Variants in THRB observed in about 807,000 individuals in gnomAD.
THRB encodes the protein thyroid hormone receptor beta.
In THRB, 12 loss-of-function variants were observed where a neutral mutation model predicts 47.8. That is an observed-to-expected ratio of 0.25 (90% CI 0.16 to 0.41). The LOEUF is 0.41. THRB is among the 10% of genes least tolerant of loss of function. The probability of loss-of-function intolerance (pLI) is 1.00; values close to 1 mark genes in which losing one functional copy is unlikely to be tolerated. For missense variants in THRB, 348 were observed against 589.2 expected (o/e 0.59, Z 4.24); for synonymous variants, 218 against 212.2 (o/e 1.03, Z -0.24).
rs1298848423 is a variant in THRB, at chr3:24,149,017, G to A, written c.385-2195C>T. Among the ~76,000 whole-genome samples the A allele has an allele frequency of 2.6e-5, 4 of 152,166 alleles. No homozygotes were observed. In the East Asian group the frequency reaches 7.7e-4, roughly 29 times the overall value. On this transcript the variant is annotated intron_variant, in intron 6 of 10. Transcript: ENST00000646209. ...ATTCACACGCAGGGCAGTTGTTGGA[G>A]ATGTTGGCAATGATTTCCTGGGTGT...
At chr3:24,233,799 C>T (rs907014840) in intron 3 of THRB, among the ~76,000 whole-genome samples, 8 of 152,148 alleles carry the variant, frequency 5.3e-5, no homozygotes, top group African/African-American at 7.2e-5. Flanking sequence ...AAAGCTGTCA[C>T]GTGGAACAGA....
At chr3:24,283,737 C>G (rs2054902527) in intron 3 of THRB, among the ~76,000 whole-genome samples, 1 of 151,642 alleles carries the variant, frequency 6.6e-6, no homozygotes, top group Non-Finnish European at 1.5e-5. Context: ...TCAGCAAAGT[C>G]TCAGGATACA....
chr3:24,226,185 T>C (rs2047634123), intron 4 of THRB, among the ~76,000 whole-genome samples: 1 of 152,234 alleles, frequency 6.6e-6, no homozygotes, highest in Non-Finnish European at 1.5e-5. Context: ...ATTGATTTCC[T>C]GTGTTGAATA....
chr3:24,258,072 C>T (rs2051496258), intron 3 of THRB, among the ~76,000 whole-genome samples: 1 of 152,130 alleles, frequency 6.6e-6, no homozygotes. Flanking sequence ...TTATTCACCG[C>T]AGGGCTGGAG....
chr3:24,352,998 G>A (rs1046970046), intron 1 of THRB, among the ~76,000 whole-genome samples: 2 of 151,910 alleles, frequency 1.3e-5, no homozygotes, highest in Non-Finnish European at 2.9e-5. Context: ...CAAATATCTG[G>A]ATAAAATTTT....
At chr3:24,174,869 C>A (rs573155127) in intron 5 of THRB, among the ~76,000 whole-genome samples, 1 of 152,098 alleles carries the variant, frequency 6.6e-6, no homozygotes, top group Non-Finnish European at 1.5e-5. Context: ...CATAACTTGC[C>A]CACAGTCATA....
At chr3:24,126,821 A>C (rs766419116) in intron 10 of THRB, among the ~76,000 whole-genome samples, 13 of 152,248 alleles carry the variant, frequency 8.5e-5, no homozygotes, top group Admixed American at 3.3e-4. Context: ...GTTTGGGCCA[A>C]TCCAGTGTGG....
intron 4 of THRB, among the ~76,000 whole-genome samples, chr3:24,195,763 C>A (rs896390703): frequency 2.0e-5 from 3 of 152,204 alleles, no homozygotes; most frequent in African/African-American, 7.2e-5. Flanking sequence ...GAAGCCCATT[C>A]CCACAGCAGC....
In THRB at chr3:24,272,131, C is replaced by T. The variant is rs116235171; in HGVS notation, c.-43+25095G>A. ...CCATAGCAGGAGGATCGCTTGAGCC[C>T]GGGAGTTCAAGACCAGCCTGGGCAA... On this transcript the variant is annotated intron_variant, in intron 3 of 10. Transcript: ENST00000646209. 4.5e-3 allele frequency among the ~76,000 whole-genome samples: 686 copies of T among 152,174 alleles called. 8 individuals are homozygous for T. The highest frequency in any genetic ancestry group is 0.016 in the African/African-American group (645 of 41,508).
chr3:24,259,074 C>T (rs1039920064), intron 3 of THRB, among the ~76,000 whole-genome samples: 11 of 152,296 alleles, frequency 7.2e-5, no homozygotes, highest in South Asian at 6.2e-4. Flanking sequence ...TGCAGACCCA[C>T]GCCTGCTCCA....
rs7632681 is a variant in THRB at position 24,228,626 on chromosome 3, A to C, written c.22+312T>G. ...CCAGCCTGGGTGACAGAGCAAGACC[A>C]TGTCTCAAAGAAAAAAAAAAAAAAA... On this transcript the variant is annotated intron_variant, in intron 4 of 10. Coordinates refer to ENST00000646209, the MANE Select transcript of THRB (RefSeq NM_001354712.2). Among the ~76,000 whole-genome samples, 40,588 of 140,314 alleles carry C rather than the reference A, an allele frequency of 0.29. 6,088 individuals are homozygous for C. Among genetic ancestry groups the C allele is most frequent in the Middle Eastern group, 0.37 (97 of 260 alleles). 92.1% of individuals were successfully genotyped at this position (140,314 alleles called of 152,430 possible).
chr3:24,269,396 C>T (rs1339272109), intron 3 of THRB, among the ~76,000 whole-genome samples: 43 of 100,066 alleles, frequency 4.3e-4, no homozygotes, highest in African/African-American at 1.4e-3. Context: ...CACGCGCGCG[C>T]GCGCGCGCAC....
intron 1 of THRB, among the ~76,000 whole-genome samples, chr3:24,437,100 GTA>G (rs575859295): frequency 1.1e-3 from 169 of 147,528 alleles, no homozygotes; most frequent in South Asian, 3.0e-3. Flanking sequence ...ATGTGTGTGT[GTA>G]TATATATATA....
At chr3:24,463,730 T>C (rs990201111) in intron 1 of THRB, among the ~76,000 whole-genome samples, 3 of 152,222 alleles carry the variant, frequency 2.0e-5, no homozygotes, top group Admixed American at 1.3e-4. Context: ...TAGAGTCTCA[T>C]GGTAGACAAA....
At chr3:24,368,067 T>C (rs187666006) in intron 1 of THRB, among the ~76,000 whole-genome samples, 1 of 152,152 alleles carries the variant, frequency 6.6e-6, no homozygotes, top group Non-Finnish European at 1.5e-5. Flanking sequence ...AAGATAACAA[T>C]GCTACTTAAC....
intron 1 of THRB, among the ~76,000 whole-genome samples, chr3:24,343,355 T>C (rs2062804530): frequency 6.6e-6 from 1 of 152,054 alleles, no homozygotes; most frequent in Non-Finnish European, 1.5e-5. Context: ...ATTTCTTTAA[T>C]GAGGGTCAAA....
At chr3:24,262,861 A>G (rs183510089) in intron 3 of THRB, among the ~76,000 whole-genome samples, 59 of 150,680 alleles carry the variant, frequency 3.9e-4, no homozygotes, top group African/African-American at 1.4e-3. Flanking sequence ...TTTTTTTTCT[A>G]TTTTGTTAAT....
chr3:24,277,560 C>T (rs1480594067), intron 3 of THRB, among the ~76,000 whole-genome samples: 1 of 152,150 alleles, frequency 6.6e-6, no homozygotes, highest in Non-Finnish European at 1.5e-5. Flanking sequence ...TTGAGAATGA[C>T]TGGTCTATAT....
rs558186364 is a variant in THRB, at chr3:24,267,841, G to A, written c.-43+29385C>T. Among the ~76,000 whole-genome samples, 3 of 152,260 alleles carry A rather than the reference G, an allele frequency of 2.0e-5. No homozygotes were observed. The South Asian group carries it at 6.2e-4, about 32-fold the overall frequency. ...TCTCTCCCTGACTGCAACACCCCAT[G>A]CTGTGGTCCCGGTACCCATCCCAAT... On this transcript the variant is annotated intron_variant, in intron 3 of 10. Transcript: ENST00000646209.
Sources: gnomAD v4.1 joint callset for allele counts (sites outside exome capture counted in the v4.1 genomes callset) on GRCh38, gnomAD v4.1.1 for gene constraint, MANE v1.5 for transcripts, NCBI Gene and HGNC (gene_info 2026-07-23, HGNC 2026-07-21) for gene names.